GARS1: variants seen among roughly 807,000 people sequenced by gnomAD.
The protein encoded by GARS1 is glycyl-tRNA synthetase 1, also known as glycine--tRNA ligase.
GARS1 carries 46 observed loss-of-function variants against 86.4 expected under a neutral mutation model. That is an observed-to-expected ratio of 0.53 (90% CI 0.42 to 0.68). GARS1 has a LOEUF of 0.68. GARS1 is among the 30% of genes least tolerant of loss of function. The pLI is 0.00. For missense variants in GARS1, 797 were observed against 915.6 expected, an observed-to-expected ratio of 0.87 and a Z score of 1.67; for synonymous variants, 342 against 329.8, an observed-to-expected ratio of 1.04 and a Z score of -0.40.
chr7:30,613,184 G>A (rs1181480087), intron 8 of GARS1, among the ~76,000 whole-genome samples: 1 of 152,176 alleles, frequency 6.6e-6, no homozygotes, highest in Non-Finnish European at 1.5e-5. Context: ...GGGAGAAGAT[G>A]CCTATGTTCT....
Position 30,594,950 on chromosome 7 carries a change from G to A in GARS1, c.29G>A (p.Arg10Lys), listed in dbSNP as rs1303334882. The A allele has an allele frequency of 6.3e-7, 1 of 1,595,918 alleles. No homozygotes were observed. The highest frequency in any genetic ancestry group is 1.3e-5 in the African/African-American group (1 of 74,820). Reference protein sequence around the residue: MPSPRPVLLRGARAALLLLL... With the variant: MPSPRPVLLKGARAALLLLL... Reference sequence around the variant, plus strand: ...CCCTCTCCGCGTCCAGTGCTGCTTAGAGGTGCTCGCGCCGCTCTGCTGCTG... The same window carrying A: ...CCCTCTCCGCGTCCAGTGCTGCTTAAAGGTGCTCGCGCCGCTCTGCTGCTG... Residue 10 changes from arginine to lysine, a missense_variant, in exon 1 of 17, where the codon AGA becomes AAA. Arg to Lys is a conservative substitution (Grantham distance 26, BLOSUM62 2). Coordinates refer to ENST00000389266, the MANE Select transcript of GARS1 (RefSeq NM_002047.4).
chr7:30,626,303 C>A lies in GARS1; in HGVS notation c.1683C>A (p.Phe561Leu). The A allele has an allele frequency of 1.3e-6, 2 of 1,579,164 alleles. No individual in the cohort carries two copies. Among genetic ancestry groups the A allele is most frequent in the Non-Finnish European group, 1.7e-6 (2 of 1,148,500 alleles). ...AAGACATGATCAATGTGAAGAGATT[C>A]CAGAAAACACTATATGGTAAATTTG... ...LTKDMINVKR[F>L]QKTLYVEEVV... Residue 561 changes from phenylalanine (F) to leucine (L), a missense_variant, in exon 13 of 17, where the codon TTC becomes TTA. By Grantham distance (22) the Phe-to-Leu change is conservative. This residue lies in a region of GARS1 where 598 missense variants were observed against 738.7 expected (regional missense o/e 0.81). Coordinates refer to ENST00000389266, the MANE Select transcript of GARS1 (RefSeq NM_002047.4).
chr7:30,617,130 C>T lies in GARS1; in HGVS notation c.1211C>T (p.Thr404Ile). 1.2e-6 allele frequency: 2 copies of T among 1,614,082 alleles called. No individual in the cohort carries two copies. The highest frequency in any genetic ancestry group is 4.5e-5 in the East Asian group (2 of 44,876). The change falls in exon 10 of 17, where the codon ACA becomes ATA. Residue 404 changes from threonine (T) to isoleucine (I), a missense_variant. Thr to Ile is a moderately conservative substitution (Grantham distance 89). Around this residue, in one of 2 missense-constraint regions of GARS1, gnomAD observed 598 missense variants for 738.7 expected, o/e 0.81. Coordinates refer to ENST00000389266, the MANE Select transcript of GARS1 (RefSeq NM_002047.4). The stretch of plus-strand genomic sequence containing the variant: ...TTGGTTTAGGGTGTGATTAATAACA[C>T]AGTATTAGGCTATTTCATTGGCCGC... ...DAVEQGVINN[T>I]VLGYFIGRIY...
rs530891983 is a variant in GARS1 at position 30,633,799 on chromosome 7, A to C, written c.2159A>C (p.Glu720Ala). ...ANGNITWADV[E>A]ARYPLFEGQE... The stretch of plus-strand genomic sequence containing the variant: ...GGCAACATCACATGGGCTGATGTGG[A>C]GGCCAGGTATCCTCTGTTTGAAGGG... The change falls in exon 17 of 17, where the codon GAG becomes GCG. Residue 720 changes from glutamate (E) to alanine (A), a missense_variant. Around this residue, in one of 2 missense-constraint regions of GARS1, gnomAD observed 598 missense variants for 738.7 expected, o/e 0.81. Coordinates refer to ENST00000389266, the MANE Select transcript of GARS1 (RefSeq NM_002047.4). 11 of 1,608,106 alleles carry C rather than the reference A, an allele frequency of 6.8e-6. No homozygotes were observed. In the Admixed American group the frequency reaches 1.8e-4, roughly 27 times the overall value.
rs560809761 is a variant in GARS1, at chr7:30,621,473, T to C, written c.1440T>C (p.Leu480=). The part of the protein sequence containing the change: ...SCHARATKVP[L]VAEKPLKEPK... ...ATGCACGAGCCACCAAAGTCCCACT[T>C]GTAGCTGAGAAACCTCTGAAAGAAC... is the stretch of plus-strand genomic sequence containing the variant. Residue 480 remains leucine (L), a synonymous_variant, in exon 11 of 17, where the codon CTT becomes CTC. Coordinates refer to ENST00000389266, the MANE Select transcript of GARS1 (RefSeq NM_002047.4). The C allele has an allele frequency of 8.7e-6, 14 of 1,614,194 alleles. No individual in the cohort carries two copies. In the African/African-American group the frequency reaches 1.9e-4, roughly 22 times the overall value.
intron 6 of GARS1, 36 bp from the exon 7 acceptor site, chr7:30,609,549 C>T: frequency 1.3e-6 from 2 of 1,584,508 alleles, no homozygotes; most frequent in Non-Finnish European, 1.7e-6. Context: ...CTTGTTTTCT[C>T]TGTCTTTTAC....
chr7:30,607,600 G>A (rs2128133519), intron 6 of GARS1, among the ~76,000 whole-genome samples: 1 of 152,264 alleles, frequency 6.6e-6, no homozygotes, highest in South Asian at 2.1e-4. Flanking sequence ...TAATGTAAAT[G>A]ACGAGTTGAT....
At chr7:30,614,626 A>G (rs1218957192) in intron 8 of GARS1, among the ~76,000 whole-genome samples, 2 of 152,218 alleles carry the variant, frequency 1.3e-5, no homozygotes, top group African/African-American at 4.8e-5. Flanking sequence ...CTGTAATCCC[A>G]GCACTTTGGG....
At chr7:30,630,648 C>T (rs1211799812) in intron 14 of GARS1, among the ~76,000 whole-genome samples, 1 of 151,534 alleles carries the variant, frequency 6.6e-6, no homozygotes, top group Non-Finnish European at 1.5e-5. Flanking sequence ...GTAGCTGGGA[C>T]CACAGGTGCG....
At position 30,615,879 on chromosome 7, in the gene GARS1, T is replaced by A. The variant is rs1274034075; in HGVS notation, c.1032-17T>A. ...TAGTTAAATATGCAGGTTTATCGCT[T>A]ACGTTTTTGCTTTCAGAGAATTCAC... On this transcript the variant is annotated splice_polypyrimidine_tract_variant and intron_variant, in intron 8 of 16. Transcript: ENST00000389266. 1 of 1,614,106 alleles carries A rather than the reference T, an allele frequency of 6.2e-7. No individual in the cohort carries two copies. Among genetic ancestry groups the A allele is most frequent in the Admixed American group, 1.7e-5 (1 of 60,026 alleles).
chr7:30,622,533 G>A, intron 12 of GARS1, 71 bp downstream of exon 12: 1 of 1,574,064 alleles, frequency 6.4e-7, no homozygotes. Context: ...CTGAAAGGAT[G>A]AGATTAATTT....
chr7:30,611,585 A>G (rs373124179), intron 7 of GARS1, among the ~76,000 whole-genome samples: 3 of 152,144 alleles, frequency 2.0e-5, no homozygotes, highest in Admixed American at 6.5e-5. Context: ...CCCAGGTTCA[A>G]GCGATTCTCT....
chr7:30,612,375 T>C lies in GARS1; in HGVS notation c.1031+130T>C, dbSNP rs1188460654. 11 of 947,874 alleles carry C rather than the reference T, an allele frequency of 1.2e-5. No homozygotes were observed. The East Asian group carries it at 2.5e-4, about 21-fold the overall frequency. The allele number at this position is 947,874 out of a possible 1,614,324, so 58.7% of individuals were successfully genotyped here. A position where few individuals can be genotyped will look rare whatever the true frequency, so the allele number is the denominator to read the frequency against. On this transcript the variant is annotated intron_variant, in intron 8 of 16. Coordinates refer to ENST00000389266, the MANE Select transcript of GARS1 (RefSeq NM_002047.4). Reference sequence around the variant, plus strand: ...AATTTATTTTTGTTTTCTCCAAAAATCATGTTTTACATTTGGAATCTCTAA... The same window carrying C: ...AATTTATTTTTGTTTTCTCCAAAAACCATGTTTTACATTTGGAATCTCTAA...
intron 6 of GARS1, among the ~76,000 whole-genome samples, chr7:30,605,871 G>A (rs1791474032): frequency 1.3e-5 from 2 of 152,146 alleles, no homozygotes; most frequent in Non-Finnish European, 2.9e-5. Context: ...TTTCTAGGCT[G>A]TCTTAAATGT....
chr7:30,629,825 AATG>A (rs1783201797), intron 14 of GARS1, among the ~76,000 whole-genome samples: 1 of 152,234 alleles, frequency 6.6e-6, no homozygotes. Flanking sequence ...CTTTTTGAGA[AATG>A]ATGACAAACA....
intron 1 of GARS1, 68 bp downstream of exon 1, chr7:30,595,211 T>G: frequency 7.4e-7 from 1 of 1,344,444 alleles, no homozygotes; most frequent in Non-Finnish European, 1.0e-6. Flanking sequence ...TGGTCATCCT[T>G]CCCTCCTCCC....
intron 8 of GARS1, among the ~76,000 whole-genome samples, chr7:30,615,077 T>C (rs1038818843): frequency 2.6e-5 from 4 of 152,180 alleles, no homozygotes; most frequent in South Asian, 2.1e-4. Context: ...AGCTACTAAA[T>C]TGCATTCAGA....
intron 4 of GARS1, among the ~76,000 whole-genome samples, chr7:30,602,214 G>C (rs1363443218): frequency 2.0e-5 from 3 of 151,440 alleles, no homozygotes; most frequent in Non-Finnish European, 4.4e-5. Context: ...TCAGCCTCCA[G>C]AGCAGCTGGG....
rs267601479 is a variant in GARS1 at position 30,615,951 on chromosome 7, C to T, written c.1087C>T (p.Pro363Ser). Residue 363 changes from proline (P) to serine (S), a missense_variant, in exon 9 of 17, where the codon CCC becomes TCC. Physicochemically the swap from Pro to Ser is moderately conservative, Grantham distance 74 (BLOSUM62 -1). Coordinates refer to ENST00000389266, the MANE Select transcript of GARS1 (RefSeq NM_002047.4). ...HFVDPSEKDHPKFQNVADLHL... is the reference protein window; with the variant it reads ...HFVDPSEKDHSKFQNVADLHL... Reference sequence around the variant, plus strand: ...TGTAGATCCCAGTGAGAAAGACCACCCCAAGTTCCAGAATGTGGCAGACCT... The same window carrying T: ...TGTAGATCCCAGTGAGAAAGACCACTCCAAGTTCCAGAATGTGGCAGACCT... 1 of 1,614,112 alleles carries T rather than the reference C, an allele frequency of 6.2e-7. No individual in the cohort carries two copies. The highest frequency in any genetic ancestry group is 1.3e-5 in the African/African-American group (1 of 75,018).
Sources: allele counts gnomAD v4.1 joint callset (sites outside exome capture counted in the v4.1 genomes callset), GRCh38; gene constraint gnomAD v4.1.1; regional missense constraint gnomAD v4.1.1; transcripts MANE v1.5; gene names NCBI Gene and HGNC (gene_info 2026-07-23, HGNC 2026-07-21).